Variants in LCLAT1 observed in about 807,000 individuals in gnomAD.
LCLAT1 encodes lysocardiolipin acyltransferase 1, also known as 1-AGP acyltransferase 8.
A neutral mutation model predicts 30.7 loss-of-function variants in LCLAT1; 11 were observed. That is an observed-to-expected ratio of 0.36 (90% CI 0.23 to 0.59). LCLAT1 has a LOEUF of 0.59. LCLAT1 is among the 20% of genes least tolerant of loss of function. LCLAT1 has a pLI of 0.77. For synonymous variants in LCLAT1, 155 were observed against 151.3 expected, an observed-to-expected ratio of 1.02 and a Z score of -0.18; for missense variants, 402 against 458.6, an observed-to-expected ratio of 0.88 and a Z score of 1.13.
At chr2:30,582,953 G>T (rs1351453327) in intron 5 of LCLAT1, among the ~76,000 whole-genome samples, 1 of 152,156 alleles carries the variant, frequency 6.6e-6, no homozygotes, top group South Asian at 2.1e-4. Context: ...TTTTATAAAG[G>T]TCATCCTCTT....
intron 3 of LCLAT1, among the ~76,000 whole-genome samples, chr2:30,538,952 C>G (rs550699961): frequency 6.6e-6 from 1 of 151,598 alleles, no homozygotes; most frequent in South Asian, 2.1e-4. Context: ...CTACCAACTT[C>G]CCCCAACCTC....
intron 1 of LCLAT1, among the ~76,000 whole-genome samples, chr2:30,519,516 A>C (rs1022692050): frequency 6.6e-6 from 1 of 152,220 alleles, no homozygotes; most frequent in African/African-American, 2.4e-5. Flanking sequence ...AGACAGGACT[A>C]GCTGGATTTC....
intron 1 of LCLAT1, among the ~76,000 whole-genome samples, chr2:30,457,704 T>G (rs1303163890): frequency 6.6e-6 from 1 of 152,212 alleles, no homozygotes; most frequent in Non-Finnish European, 1.5e-5. Context: ...GTGTTGATTT[T>G]ATATTTGCAT....
chr2:30,471,251 C>T lies in LCLAT1; in HGVS notation c.-5+23868C>T, dbSNP rs1428346982. On this transcript the variant is annotated intron_variant, in intron 1 of 5. Transcript: ENST00000379509. ...CTAAGATAGAGTCTCACAATGTTGC[C>T]CAGGCTGGAGTGCAGTGGTGTGATC... Among the ~76,000 whole-genome samples the T allele has an allele frequency of 3.3e-5, 5 of 151,754 alleles. No homozygotes were observed. In the East Asian group the frequency reaches 9.7e-4, roughly 29 times the overall value.
intron 5 of LCLAT1, among the ~76,000 whole-genome samples, chr2:30,572,698 T>A (rs1558528489): frequency 6.6e-6 from 1 of 152,014 alleles, no homozygotes; most frequent in Non-Finnish European, 1.5e-5. Flanking sequence ...CTAAAAAAAA[T>A]TATTCTTTGT....
At chr2:30,611,751 AGGGAAGT>A (rs1667749106) in intron 5 of LCLAT1, among the ~76,000 whole-genome samples, 1 of 152,172 alleles carries the variant, frequency 6.6e-6, no homozygotes. Context: ...GGGTCAGCTG[AGGGAAGT>A]GGTTCATGAA....
At chr2:30,565,110 T>C (rs183837105) in intron 4 of LCLAT1, among the ~76,000 whole-genome samples, 16 of 152,268 alleles carry the variant, frequency 1.1e-4, no homozygotes, top group Admixed American at 9.8e-4. Flanking sequence ...GCATATTAGT[T>C]AGGGTTCTCT....
At chr2:30,561,903 G>T (rs571519822) in intron 3 of LCLAT1, among the ~76,000 whole-genome samples, 3 of 151,916 alleles carry the variant, frequency 2.0e-5, no homozygotes, top group African/African-American at 7.3e-5. Flanking sequence ...GCTAGTTTTC[G>T]CTTGAAAAGA....
chr2:30,527,467 C>T (rs1460283688), intron 2 of LCLAT1, among the ~76,000 whole-genome samples: 1 of 152,126 alleles, frequency 6.6e-6, no homozygotes, highest in Admixed American at 6.5e-5. Context: ...CTGCCAAAAC[C>T]TTGAGAGTTC....
intron 1 of LCLAT1, among the ~76,000 whole-genome samples, chr2:30,467,486 A>AGCT (rs1682507524): frequency 6.6e-6 from 1 of 152,244 alleles, no homozygotes; most frequent in South Asian, 2.1e-4. Context: ...TGGTATTTCT[A>AGCT]GCTGTAGATC....
Position 30,524,046 on chromosome 2 carries a change from C to T in LCLAT1, c.-4-1541C>T, listed in dbSNP as rs529335732. 1.4e-4 allele frequency among the ~76,000 whole-genome samples: 21 copies of T among 147,378 alleles called. No homozygotes were observed. The South Asian group carries it at 4.2e-3, about 29-fold the overall frequency. ...TCAGAGGTCTTGATCTCTCAGATAC[C>T]TTTTTGCTATATAGATTATAAGGCT... On this transcript the variant is annotated intron_variant, in intron 1 of 5. Transcript: ENST00000379509.
intron 1 of LCLAT1, among the ~76,000 whole-genome samples, chr2:30,457,533 A>G (rs143843562): frequency 4.6e-5 from 7 of 152,316 alleles, no homozygotes; most frequent in South Asian, 4.1e-4. Flanking sequence ...TGGAAGTACA[A>G]TGGTTTTCTT....
chr2:30,495,278 A>G (rs1684053787), intron 1 of LCLAT1, among the ~76,000 whole-genome samples: 1 of 152,154 alleles, frequency 6.6e-6, no homozygotes, highest in Non-Finnish European at 1.5e-5. Context: ...TGTGTTCAAA[A>G]TATTCATAGA....
rs1667236535 is a variant in LCLAT1 at position 30,602,506 on chromosome 2, C to G, written c.628+34330C>G. 2.0e-5 allele frequency among the ~76,000 whole-genome samples: 3 copies of G among 152,316 alleles called. No individual in the cohort carries two copies. In the South Asian group the frequency reaches 6.2e-4, roughly 32 times the overall value. ...GTAACTGCCATCATTGACTGAGATC[C>G]TGCTGTTGTTTGGCCATCTTAGACT... On this transcript the variant is annotated intron_variant, in intron 5 of 5. Coordinates refer to ENST00000379509, the MANE Select transcript of LCLAT1 (RefSeq NM_001002257.3).
intron 5 of LCLAT1, among the ~76,000 whole-genome samples, chr2:30,574,979 G>A (rs1214876348): frequency 6.6e-6 from 1 of 152,128 alleles, no homozygotes; most frequent in Non-Finnish European, 1.5e-5. Context: ...GTGGACCATT[G>A]TTGAAAGCTC....
At chr2:30,483,625 AT>A (rs1484174718) in intron 1 of LCLAT1, among the ~76,000 whole-genome samples, 1 of 151,352 alleles carries the variant, frequency 6.6e-6, no homozygotes. Flanking sequence ...CTCATCTTTA[AT>A]TTTTTTTTAA....
intron 1 of LCLAT1, among the ~76,000 whole-genome samples, chr2:30,477,003 G>A (rs139333959): frequency 7.9e-5 from 12 of 152,220 alleles, no homozygotes; most frequent in African/African-American, 2.6e-4. Context: ...TGGCCCATAA[G>A]GTATTTTACT....
At chr2:30,501,445 T>C (rs1351058842) in intron 1 of LCLAT1, among the ~76,000 whole-genome samples, 1 of 152,130 alleles carries the variant, frequency 6.6e-6, no homozygotes, top group African/African-American at 2.4e-5. Context: ...GCAGTTTGTG[T>C]TTTAAAGATC....
chr2:30,454,741 A>T (rs1681739586), intron 1 of LCLAT1, among the ~76,000 whole-genome samples: 1 of 151,968 alleles, frequency 6.6e-6, no homozygotes, highest in Non-Finnish European at 1.5e-5. Context: ...GAGCCACTGC[A>T]CGTGGCCCTA....
Sources: allele counts gnomAD v4.1 joint callset (sites outside exome capture counted in the v4.1 genomes callset), GRCh38; gene constraint gnomAD v4.1.1; transcripts MANE v1.5; gene names NCBI Gene and HGNC (gene_info 2026-07-23, HGNC 2026-07-21).